CYP3A4: variants seen among roughly 807,000 people sequenced by gnomAD.
The protein encoded by CYP3A4 is cytochrome P450 family 3 subfamily A member 4, also known as cytochrome P450 3A4.
CYP3A4 carries 41 observed loss-of-function variants against 54.9 expected under a neutral mutation model. The ratio of observed to expected loss-of-function variants is 0.75; its 90% CI spans 0.58 to 0.97. The LOEUF is 0.97. CYP3A4 is among the 50% of genes least tolerant of loss of function. The pLI is 0.00. For synonymous variants in CYP3A4, 179 were observed against 205.2 expected, an observed-to-expected ratio of 0.87 and a Z score of 1.09; for missense variants, 510 against 597.3, an observed-to-expected ratio of 0.85 and a Z score of 1.52.
intron 2 of CYP3A4, among the ~76,000 whole-genome samples, chr7:99,778,539 T>C (rs546986147): frequency 1.4e-4 from 21 of 152,282 alleles, no homozygotes; most frequent in African/African-American, 5.1e-4. Context: ...TCTAGCAGAA[T>C]TGGAAAGTTA....
chr7:99,764,544 C>T (rs1815427977), intron 9 of CYP3A4, among the ~76,000 whole-genome samples: 2 of 152,280 alleles, frequency 1.3e-5, no homozygotes, highest in African/African-American at 4.8e-5. Context: ...GGTCTACAGA[C>T]CACTTCTTGG....
rs543230642 is a variant in CYP3A4 at position 99,760,541 on chromosome 7, C to T, written c.1416+278G>A. On this transcript the variant is annotated intron_variant, in intron 12 of 12. Transcript: ENST00000651514. Reference sequence around the variant, plus strand: ...CAAAATACTTCCCCATCTTTCCAATCGACTTGAAACTGAATGTAAACTTTG... The same window carrying T: ...CAAAATACTTCCCCATCTTTCCAATTGACTTGAAACTGAATGTAAACTTTG... Among the ~76,000 whole-genome samples the T allele has an allele frequency of 5.9e-5, 9 of 152,294 alleles. No individual in the cohort carries two copies. The East Asian group carries it at 1.7e-3, about 29-fold the overall frequency.
intron 10 of CYP3A4, among the ~76,000 whole-genome samples, chr7:99,762,591 T>C (rs1815368937): frequency 6.6e-6 from 1 of 152,084 alleles, no homozygotes; most frequent in East Asian, 1.9e-4. Flanking sequence ...TGTATATATA[T>C]GTGTATACAC....
intron 1 of CYP3A4, among the ~76,000 whole-genome samples, chr7:99,781,732 T>C (rs1815930855): frequency 6.6e-6 from 1 of 152,214 alleles, no homozygotes; most frequent in South Asian, 2.1e-4. Context: ...ATATGCTTCA[T>C]ATGGGCTTTT....
intron 2 of CYP3A4, among the ~76,000 whole-genome samples, chr7:99,778,848 A>G (rs1022110480): frequency 1.1e-4 from 17 of 152,348 alleles, no homozygotes; most frequent in Non-Finnish European, 1.8e-4. Flanking sequence ...TACATCTACT[A>G]AAGAGTTGAC....
intron 1 of CYP3A4, among the ~76,000 whole-genome samples, chr7:99,783,606 CTTTTTTTTTTTTT>C (rs11432957): frequency 9.6e-6 from 1 of 103,826 alleles, no homozygotes; most frequent in African/African-American, 3.5e-5. Context: ...CCTTGAACAT[CTTTTTTTTTTTTT>C]TTTTTTTTTG....
intron 3 of CYP3A4, among the ~76,000 whole-genome samples, chr7:99,774,620 G>T (rs1164690833): frequency 6.6e-6 from 1 of 152,088 alleles, no homozygotes; most frequent in Non-Finnish European, 1.5e-5. Flanking sequence ...ATGCAGAAAA[G>T]GCCTTTGACA....
chr7:99,768,615 T>G (rs987546361), intron 6 of CYP3A4, 113 bp from the exon 7 acceptor site: 1 of 1,589,156 alleles, frequency 6.3e-7, no homozygotes, highest in African/African-American at 1.3e-5. Context: ...AGCCACAGAC[T>G]TTCAGATCTA....
Position 99,770,509 on chromosome 7 carries a change from A to G in CYP3A4, c.319-274T>C, listed in dbSNP as rs28988581. ...ATATCCCAGTCTTCTTTTACATGCA[A>G]ATTATCCACGTGGTAGAGAATGTGT... On this transcript the variant is annotated intron_variant, in intron 4 of 12. Coordinates refer to ENST00000651514, the MANE Select transcript of CYP3A4 (RefSeq NM_017460.6). Among the ~76,000 whole-genome samples, 15 of 152,206 alleles carry G rather than the reference A, an allele frequency of 9.9e-5. No individual in the cohort carries two copies. In the East Asian group the frequency reaches 2.9e-3, roughly 30 times the overall value.
intron 3 of CYP3A4, 34 bp downstream of exon 3, chr7:99,777,994 A>T (rs778368968): frequency 2.6e-6 from 4 of 1,567,908 alleles, no homozygotes; most frequent in Non-Finnish European, 8.8e-7. Context: ...TCATAGAAAC[A>T]AGTCTATCCA....
At chr7:99,771,251 T>C (rs1160049643) in intron 4 of CYP3A4, among the ~76,000 whole-genome samples, 1 of 152,196 alleles carries the variant, frequency 6.6e-6, no homozygotes, top group Non-Finnish European at 1.5e-5. Context: ...CTAGAACTAC[T>C]ATGTCAGTTC....
intron 9 of CYP3A4, among the ~76,000 whole-genome samples, chr7:99,764,530 T>C (rs1815427795): frequency 6.6e-6 from 1 of 152,178 alleles, no homozygotes; most frequent in South Asian, 2.1e-4. Context: ...AAGGGACCAA[T>C]ATTGGTCTAC....
At chr7:99,767,065 A>T in intron 8 of CYP3A4, 66 bp downstream of exon 8, 1 of 1,456,536 alleles carries the variant, frequency 6.9e-7, no homozygotes, top group Non-Finnish European at 9.5e-7. Context: ...TGCACTGATC[A>T]TATGTATATT....
At position 99,770,500 on chromosome 7, in the gene CYP3A4, T is replaced by C. The variant is rs558278668; in HGVS notation, c.319-265A>G. Among the ~76,000 whole-genome samples the C allele has an allele frequency of 2.6e-5, 4 of 152,258 alleles. No homozygotes were observed. In the East Asian group the frequency reaches 7.7e-4, roughly 29 times the overall value. On this transcript the variant is annotated intron_variant, in intron 4 of 12. Coordinates refer to ENST00000651514, the MANE Select transcript of CYP3A4 (RefSeq NM_017460.6). ...CCAGCCTCTATATCCCAGTCTTCTT[T>C]TACATGCAAATTATCCACGTGGTAG...
chr7:99,776,775 G>A (rs1332697471), intron 3 of CYP3A4, among the ~76,000 whole-genome samples: 3 of 152,076 alleles, frequency 2.0e-5, no homozygotes, highest in South Asian at 4.1e-4. Context: ...AAACCACCAT[G>A]GCACGTGTAT....
intron 3 of CYP3A4, among the ~76,000 whole-genome samples, chr7:99,777,535 TAAATC>T (rs1215223537): frequency 2.7e-5 from 4 of 150,036 alleles, no homozygotes; most frequent in African/African-American, 4.9e-5. Flanking sequence ...CCCTGACAAA[TAAATC>T]AAAGAAGGCT....
At chr7:99,760,777 GAATT>G (rs1563038627) in intron 12 of CYP3A4, 38 bp downstream of exon 12, 1 of 1,599,778 alleles carries the variant, frequency 6.3e-7, no homozygotes, top group African/African-American at 1.4e-5. Context: ...TCAGTTAAAA[GAATT>G]ATTAATACAA....
intron 9 of CYP3A4, 126 bp from the exon 10 acceptor site, chr7:99,764,141 G>C: frequency 7.3e-7 from 1 of 1,368,016 alleles, no homozygotes; most frequent in East Asian, 2.4e-5. Flanking sequence ...CAATTCAGAG[G>C]TACACTGGGG....
At chr7:99,767,089 TG>T (rs1238074212) in intron 8 of CYP3A4, 41 bp downstream of exon 8, 13 of 1,587,606 alleles carry the variant, frequency 8.2e-6, no homozygotes, top group Non-Finnish European at 1.1e-5. Flanking sequence ...TAAAAAATTA[TG>T]AAAAACTAAA....
Sources: allele counts gnomAD v4.1 joint callset (sites outside exome capture counted in the v4.1 genomes callset), GRCh38; gene constraint gnomAD v4.1.1; transcripts MANE v1.5; gene names NCBI Gene and HGNC (gene_info 2026-07-23, HGNC 2026-07-21).